Variants in RFTN1 observed in about 807,000 individuals in gnomAD.
The protein encoded by RFTN1 is raftlin, lipid raft linker 1.
In RFTN1, 26 loss-of-function variants were observed where a neutral mutation model predicts 46.5. The observed-to-expected ratio is 0.56, with a 90% CI of 0.41 to 0.78. The LOEUF is 0.78. Among genes scored for constraint, RFTN1 ranks in the 30% least tolerant of loss-of-function variants. The probability of loss-of-function intolerance (pLI) is 0.00; values close to 1 mark genes in which losing one functional copy is unlikely to be tolerated. For missense variants in RFTN1, 693 were observed against 718.7 expected (o/e 0.96, Z 0.41); for synonymous variants, 261 against 284.2 (o/e 0.92, Z 0.82).
rs2075297908 is a variant in RFTN1, at chr3:16,426,794, T to C, written c.332+7057A>G. On this transcript the variant is annotated intron_variant, in intron 3 of 9. Coordinates refer to ENST00000334133, the MANE Select transcript of RFTN1 (RefSeq NM_015150.2). The surrounding 1 kb of genome is among the most constrained non-coding windows in gnomAD (Gnocchi z 5.9). ...GTAAACCAAAGACAGATCTATCTCA[T>C]AATGAATTTATGGTCCTTTAGTAAA... Among the ~76,000 whole-genome samples, 1 of 152,006 alleles carries C rather than the reference T, an allele frequency of 6.6e-6. No individual in the cohort carries two copies. The highest frequency in any genetic ancestry group is 1.5e-5 in the Non-Finnish European group (1 of 68,002).
At position 16,500,962 on chromosome 3, in the gene RFTN1, C is replaced by T. The variant is rs560951301; in HGVS notation, c.-8-7085G>A. On this transcript the variant is annotated intron_variant, in intron 1 of 9. Coordinates refer to ENST00000334133, the MANE Select transcript of RFTN1 (RefSeq NM_015150.2). The surrounding 1 kb of genome is among the most constrained non-coding windows in gnomAD (Gnocchi z 5.9). ...AGTCTGGACAGAATGCGGGAGCATT[C>T]GGAACAAATCGCTGTTATATAAAAC... Among the ~76,000 whole-genome samples, 3 of 152,150 alleles carry T rather than the reference C, an allele frequency of 2.0e-5. No homozygotes were observed. The highest frequency in any genetic ancestry group is 6.6e-5 in the Admixed American group (1 of 15,264).
In RFTN1 at chr3:16,483,195, A is replaced by G. The variant is rs1381557060; in HGVS notation, c.145+10530T>C. Reference sequence around the variant, plus strand: ...ATACCTCATTAAGGAAAGGCAAAACAAACACTTCAGAGTACTTGAGGCTCT... The same window carrying G: ...ATACCTCATTAAGGAAAGGCAAAACGAACACTTCAGAGTACTTGAGGCTCT... On this transcript the variant is annotated intron_variant, in intron 2 of 9. Coordinates refer to ENST00000334133, the MANE Select transcript of RFTN1 (RefSeq NM_015150.2). This position sits in a 1 kb window ranked among gnomAD's most constrained non-coding sequence, Gnocchi z 4.8. 6.6e-6 allele frequency among the ~76,000 whole-genome samples: 1 copy of G among 152,248 alleles called. No individual in the cohort carries two copies. Among genetic ancestry groups the G allele is most frequent in the Non-Finnish European group, 1.5e-5 (1 of 68,034 alleles).
In RFTN1 at chr3:16,479,889, T is replaced by C. The variant is rs1244196147; in HGVS notation, c.145+13836A>G. ...GCCAAAGGCAAATAATGGTAAATCA[T>C]GGCAGATGCTTCTCCAAGATAACAC... On this transcript the variant is annotated intron_variant, in intron 2 of 9. Coordinates refer to ENST00000334133, the MANE Select transcript of RFTN1 (RefSeq NM_015150.2). This position sits in a 1 kb window ranked among gnomAD's most constrained non-coding sequence, Gnocchi z 5.1. 1.3e-5 allele frequency among the ~76,000 whole-genome samples: 2 copies of C among 152,200 alleles called. No homozygotes were observed. The highest frequency in any genetic ancestry group is 4.8e-5 in the African/African-American group (2 of 41,444).
At position 16,447,761 on chromosome 3, in the gene RFTN1, G is replaced by A. The variant is rs914586068; in HGVS notation, c.146-13724C>T. 6.6e-6 allele frequency among the ~76,000 whole-genome samples: 1 copy of A among 152,164 alleles called. No homozygotes were observed. Among genetic ancestry groups the A allele is most frequent in the Non-Finnish European group, 1.5e-5 (1 of 68,030 alleles). On this transcript the variant is annotated intron_variant, in intron 2 of 9. Coordinates refer to ENST00000334133, the MANE Select transcript of RFTN1 (RefSeq NM_015150.2). This position sits in a 1 kb window ranked among gnomAD's most constrained non-coding sequence, Gnocchi z 5.9. ...CTAATTACACCCAGAAGAAAAATAC[G>A]ATCTATCCACCGTTGGCACAAGAAG...
chr3:16,449,147 C>T lies in RFTN1; in HGVS notation c.146-15110G>A, dbSNP rs563916182. Among the ~76,000 whole-genome samples, 28 of 152,242 alleles carry T rather than the reference C, an allele frequency of 1.8e-4. No individual in the cohort carries two copies. Among genetic ancestry groups the T allele is most frequent in the Middle Eastern group, 3.4e-3 (1 of 294 alleles). On this transcript the variant is annotated intron_variant, in intron 2 of 9. Coordinates refer to ENST00000334133, the MANE Select transcript of RFTN1 (RefSeq NM_015150.2). This position sits in a 1 kb window ranked among gnomAD's most constrained non-coding sequence, Gnocchi z 5.1. The stretch of plus-strand genomic sequence containing the variant: ...TATCTGAAATCCCCACAAATTCATA[C>T]GAAATGAGTAGGATTATTACTTTGT...
At position 16,383,919 on chromosome 3, in the gene RFTN1, C is replaced by G. The variant is rs1390857726; in HGVS notation, c.442-5817G>C. Among the ~76,000 whole-genome samples the G allele has an allele frequency of 6.6e-6, 1 of 152,194 alleles. No individual in the cohort carries two copies. The highest frequency in any genetic ancestry group is 1.5e-5 in the Non-Finnish European group (1 of 68,028). On this transcript the variant is annotated intron_variant, in intron 4 of 9. Transcript: ENST00000334133. This position sits in a 1 kb window ranked among gnomAD's most constrained non-coding sequence, Gnocchi z 4.0. The stretch of plus-strand genomic sequence containing the variant: ...GATGGTGTCACAGTTAATTTTATGT[C>G]CACTTGACTGAACTATGGTGACCAA...
chr3:16,416,866 A>C (rs548918279), intron 3 of RFTN1, among the ~76,000 whole-genome samples: 1 of 152,250 alleles, frequency 6.6e-6, no homozygotes, highest in South Asian at 2.1e-4. Flanking sequence ...ACTTTTAAAA[A>C]TTTTTTTATT....
intron 1 of RFTN1, among the ~76,000 whole-genome samples, chr3:16,494,237 C>A (rs1335460346): frequency 6.6e-6 from 1 of 152,120 alleles, no homozygotes; most frequent in Non-Finnish European, 1.5e-5. Flanking sequence ...AAAAGCAATA[C>A]GGTGCATTAT....
rs2069806164 is a variant in RFTN1 at position 16,327,319 on chromosome 3, A to C, written c.1147-443T>G. ...CAAGTCGTTTATGTCCAGCCACAGC[A>C]ACACACACATGCACATCCACATGTG... is the stretch of plus-strand genomic sequence containing the variant. On this transcript the variant is annotated intron_variant, in intron 7 of 9. Transcript: ENST00000334133. The surrounding 1 kb of genome is among the most constrained non-coding windows in gnomAD (Gnocchi z 4.2). 6.6e-6 allele frequency among the ~76,000 whole-genome samples: 1 copy of C among 152,202 alleles called. No individual in the cohort carries two copies.
At position 16,351,957 on chromosome 3, in the gene RFTN1, T is replaced by C. The variant is rs73142402; in HGVS notation, c.1146+5975A>G. ...TTAAAGAAACTGACACTGGGCATTG[T>C]AGCCAGCACACTTTGGGTGTGGTTT... On this transcript the variant is annotated intron_variant, in intron 7 of 9. Transcript: ENST00000334133. The surrounding 1 kb of genome is among the most constrained non-coding windows in gnomAD (Gnocchi z 5.4). Among the ~76,000 whole-genome samples the C allele has an allele frequency of 4.0e-3, 615 of 152,338 alleles. 6 individuals are homozygous for C. Among genetic ancestry groups the C allele is most frequent in the African/African-American group, 0.014 (591 of 41,580 alleles).
intron 2 of RFTN1, among the ~76,000 whole-genome samples, chr3:16,437,043 A>G (rs1003679616): frequency 8.5e-5 from 13 of 152,214 alleles, no homozygotes; most frequent in Admixed American, 3.3e-4. Flanking sequence ...TTCCCATGCA[A>G]GAAACTGGCA....
chr3:16,394,189 T>A (rs975950346), intron 4 of RFTN1, among the ~76,000 whole-genome samples: 1 of 151,762 alleles, frequency 6.6e-6, no homozygotes, highest in Non-Finnish European at 1.5e-5. Context: ...CTGGGTAACA[T>A]AGCATGACCC....
intron 9 of RFTN1, among the ~76,000 whole-genome samples, chr3:16,318,163 G>A (rs932445511): frequency 2.0e-5 from 3 of 151,962 alleles, no homozygotes; most frequent in Non-Finnish European, 4.4e-5. Flanking sequence ...AAGACCACCC[G>A]AGAGCGAGCC....
At chr3:16,318,828 C>T (rs2068722187) in intron 9 of RFTN1, among the ~76,000 whole-genome samples, 1 of 152,212 alleles carries the variant, frequency 6.6e-6, no homozygotes, top group African/African-American at 2.4e-5. Flanking sequence ...CTGTAGCTGA[C>T]AGACTTCCCT....
intron 4 of RFTN1, among the ~76,000 whole-genome samples, chr3:16,406,788 C>T (rs971531770): frequency 6.6e-6 from 1 of 152,280 alleles, no homozygotes; most frequent in South Asian, 2.1e-4. Flanking sequence ...CTGCTGTATG[C>T]TGTTTCACTA....
At position 16,446,648 on chromosome 3, in the gene RFTN1, C is replaced by G. The variant is rs910932917; in HGVS notation, c.146-12611G>C. Among the ~76,000 whole-genome samples, 12 of 152,006 alleles carry G rather than the reference C, an allele frequency of 7.9e-5. No homozygotes were observed. Among genetic ancestry groups the G allele is most frequent in the African/African-American group, 2.9e-4 (12 of 41,370 alleles). On this transcript the variant is annotated intron_variant, in intron 2 of 9. Coordinates refer to ENST00000334133, the MANE Select transcript of RFTN1 (RefSeq NM_015150.2). The surrounding 1 kb of genome is among the most constrained non-coding windows in gnomAD (Gnocchi z 4.5). ...TAAAAATTTCACTTTGTAAAGATGG[C>G]CAAATAATAATAGGACAAAGACCAT...
At position 16,327,352 on chromosome 3, in the gene RFTN1, A is replaced by C. The variant is rs1399845113; in HGVS notation, c.1147-476T>G. ...CATGCACATCCACATGTGTGTGTAC[A>C]CGCAGAAGCTGCTTTGCCTGTGTTA... On this transcript the variant is annotated intron_variant, in intron 7 of 9. Transcript: ENST00000334133. This position sits in a 1 kb window ranked among gnomAD's most constrained non-coding sequence, Gnocchi z 4.2. Among the ~76,000 whole-genome samples the C allele has an allele frequency of 6.6e-6, 1 of 152,218 alleles. No homozygotes were observed. The highest frequency in any genetic ancestry group is 1.9e-4 in the East Asian group (1 of 5,204).
intron 2 of RFTN1, among the ~76,000 whole-genome samples, chr3:16,492,242 C>T (rs528848342): frequency 7.2e-5 from 11 of 152,146 alleles, no homozygotes; most frequent in Non-Finnish European, 1.3e-4. Flanking sequence ...CAGAGACACT[C>T]AGCTGTCCTT....
At chr3:16,367,442 T>C (rs556322) in intron 6 of RFTN1, among the ~76,000 whole-genome samples, 102,508 of 150,472 alleles carry the variant, frequency 0.68, 35,228 homozygotes, top group African/African-American at 0.81. Context: ...AAATGGTGTT[T>C]AAAGTCAGAG....
Sources: allele counts gnomAD v4.1 joint callset (sites outside exome capture counted in the v4.1 genomes callset), GRCh38; gene constraint gnomAD v4.1.1; non-coding constraint Gnocchi (gnomAD v3.1); transcripts MANE v1.5; gene names NCBI Gene and HGNC (gene_info 2026-07-23, HGNC 2026-07-21).